SDK1: variants seen among roughly 807,000 people sequenced by gnomAD.
SDK1 encodes the protein protein sidekick-1.
Under a neutral mutation model 245.5 loss-of-function variants are expected in SDK1, and 157 were observed. That is an observed-to-expected ratio of 0.64 (90% CI 0.56 to 0.73). The LOEUF (loss-of-function observed/expected upper bound fraction) is 0.73, where lower values mean the gene tolerates loss of function less well. Among genes scored for constraint, SDK1 ranks in the 30% least tolerant of loss-of-function variants. SDK1 has a pLI of 0.00. For missense variants in SDK1, 3,583 were observed against 3,002.3 expected (o/e 1.19, Z -4.52); for synonymous variants, 1,647 against 1,278.5 (o/e 1.29, Z -6.15).
Position 3,985,733 on chromosome 7 carries a change from A to G in SDK1, c.1995-1453A>G, listed in dbSNP as rs78257375. ...TGGGCTCGCATTTATTCTTTATCGC[A>G]CTAATGTACAATGTAGTTGCAGTCT... On this transcript the variant is annotated intron_variant, in intron 13 of 44. Coordinates refer to ENST00000404826, the MANE Select transcript of SDK1 (RefSeq NM_152744.4). 4.0e-3 allele frequency among the ~76,000 whole-genome samples: 606 copies of G among 152,346 alleles called. 4 individuals carry two copies. The highest frequency in any genetic ancestry group is 0.014 in the African/African-American group (577 of 41,568).
At chr7:3,424,447 G>A (rs890371904) in intron 1 of SDK1, among the ~76,000 whole-genome samples, 5 of 152,110 alleles carry the variant, frequency 3.3e-5, no homozygotes, top group Admixed American at 2.6e-4. Flanking sequence ...GCTGATTCAG[G>A]AAATCTTTTC....
intron 21 of SDK1, among the ~76,000 whole-genome samples, chr7:4,077,435 GA>G (rs369057168): frequency 6.6e-5 from 10 of 152,222 alleles, no homozygotes; most frequent in African/African-American, 2.2e-4. Flanking sequence ...CCAGTTCCCA[GA>G]ACATGCGTTG....
intron 33 of SDK1, among the ~76,000 whole-genome samples, chr7:4,175,123 TG>T (rs1198988962): frequency 2.0e-5 from 3 of 152,184 alleles, no homozygotes; most frequent in Non-Finnish European, 4.4e-5. Context: ...ACGCACCCAG[TG>T]CGCGGACGGC....
Position 4,077,112 on chromosome 7 carries a change from C to G in SDK1, c.3125C>G (p.Thr1042Ser). 1.2e-6 allele frequency: 2 copies of G among 1,614,234 alleles called. No individual in the cohort carries two copies. Among genetic ancestry groups the G allele is most frequent in the Non-Finnish European group, 1.7e-6 (2 of 1,180,046 alleles). Residue 1042 changes from threonine to serine, a missense_variant, in exon 21 of 45, where the codon ACC becomes AGC. Thr to Ser is a moderately conservative substitution (Grantham distance 58, BLOSUM62 1). Transcript: ENST00000404826. ...IQGLSSLTTY[T>S]IDVAAVTAVG... ...GGCCTCTCATCTCTCACCACCTACA[C>G]CATCGACGTGGCCGCTGTGACTGCC...
chr7:3,956,922 G>C (rs569375243), intron 7 of SDK1, among the ~76,000 whole-genome samples: 1 of 152,140 alleles, frequency 6.6e-6, no homozygotes, highest in Non-Finnish European at 1.5e-5. Context: ...GGGAAGCCTC[G>C]GGGGACTGTA....
intron 1 of SDK1, among the ~76,000 whole-genome samples, chr7:3,380,676 GA>G (rs1433594109): frequency 1.3e-5 from 2 of 152,282 alleles, no homozygotes; most frequent in Admixed American, 1.3e-4. Flanking sequence ...TGTCATTAAG[GA>G]GACTGACTCT....
chr7:4,068,255 G>A (rs1052186024), intron 20 of SDK1, among the ~76,000 whole-genome samples: 4 of 152,204 alleles, frequency 2.6e-5, no homozygotes, highest in Admixed American at 6.5e-5. Context: ...GTTCACATGC[G>A]TGTGTCTTGC....
chr7:3,878,515 T>G (rs1781126849), intron 5 of SDK1, among the ~76,000 whole-genome samples: 1 of 152,086 alleles, frequency 6.6e-6, no homozygotes, highest in African/African-American at 2.4e-5. Context: ...AGACTCTGTC[T>G]CAAAAAAATA....
chr7:4,145,045 C>T (rs1026849672), intron 28 of SDK1, among the ~76,000 whole-genome samples: 22 of 152,154 alleles, frequency 1.4e-4, no homozygotes, highest in African/African-American at 4.3e-4. Context: ...TAATAAGGAA[C>T]GTCTGGTCAA....
chr7:3,543,518 G>A lies in SDK1; in HGVS notation c.299-75562G>A, dbSNP rs192002969. Among the ~76,000 whole-genome samples the A allele has an allele frequency of 4.4e-3, 676 of 152,318 alleles. 4 individuals carry two copies. Among genetic ancestry groups the A allele is most frequent in the Middle Eastern group, 0.01 (3 of 294 alleles). On this transcript the variant is annotated intron_variant, in intron 1 of 44. Coordinates refer to ENST00000404826, the MANE Select transcript of SDK1 (RefSeq NM_152744.4). ...GCTCGTGGCTGGTAATATCCTTGCA[G>A]GGGCCACCTCTACTCGTAGGGAATA... is the stretch of plus-strand genomic sequence containing the variant.
At chr7:4,020,158 G>A (rs966267161) in intron 17 of SDK1, among the ~76,000 whole-genome samples, 3 of 152,102 alleles carry the variant, frequency 2.0e-5, no homozygotes, top group Non-Finnish European at 4.4e-5. Flanking sequence ...TTGTTCGAGG[G>A]ACATGCTTGA....
intron 5 of SDK1, among the ~76,000 whole-genome samples, chr7:3,931,454 A>C (rs769622694): frequency 6.6e-6 from 1 of 152,236 alleles, no homozygotes. Flanking sequence ...TGGGGCTTCT[A>C]TCCTAACCAA....
rs76240670 is a variant in SDK1, at chr7:3,594,378, C to G, written c.299-24702C>G. ...TTGATAGACATTTGGATTGTTTCTG[C>G]TTTTTGGCTATCATGAATAATGCTG... is the stretch of plus-strand genomic sequence containing the variant. On this transcript the variant is annotated intron_variant, in intron 1 of 44. Transcript: ENST00000404826. Among the ~76,000 whole-genome samples, 39 of 152,272 alleles carry G rather than the reference C, an allele frequency of 2.6e-4. 1 individual carries two copies. The highest frequency in any genetic ancestry group is 1.4e-3 in the East Asian group (7 of 5,182).
chr7:3,867,354 A>T lies in SDK1; in HGVS notation c.847+45771A>T, dbSNP rs995499048. ...TATTTTGGTGTGAAGGTATATAAAA[A>T]TGCAGCCCTTTTGATTAAGCCATTT... On this transcript the variant is annotated intron_variant, in intron 5 of 44. Transcript: ENST00000404826. 2.6e-5 allele frequency among the ~76,000 whole-genome samples: 4 copies of T among 152,236 alleles called. No homozygotes were observed. The South Asian group carries it at 6.2e-4, about 24-fold the overall frequency.
chr7:4,018,825 G>A (rs1786632421), intron 17 of SDK1, among the ~76,000 whole-genome samples: 1 of 152,174 alleles, frequency 6.6e-6, no homozygotes, highest in African/African-American at 2.4e-5. Context: ...ATTAGGGGCG[G>A]AATCTGTGCG....
chr7:3,608,119 G>A (rs546644561), intron 1 of SDK1, among the ~76,000 whole-genome samples: 6 of 152,298 alleles, frequency 3.9e-5, no homozygotes, highest in African/African-American at 1.4e-4. Context: ...TTACTCATCC[G>A]TGCCACACAC....
chr7:3,474,872 TG>T (rs1781304643), intron 1 of SDK1, among the ~76,000 whole-genome samples: 1 of 152,074 alleles, frequency 6.6e-6, no homozygotes, highest in African/African-American at 2.4e-5. Flanking sequence ...TTTTAATTTT[TG>T]TAGAGACAGG....
At chr7:3,440,566 C>T (rs1430355164) in intron 1 of SDK1, among the ~76,000 whole-genome samples, 1 of 152,070 alleles carries the variant, frequency 6.6e-6, no homozygotes, top group Non-Finnish European at 1.5e-5. Flanking sequence ...TCAAGTAACC[C>T]TTATTTTAAT....
chr7:4,138,117 C>G (rs987184677), intron 28 of SDK1, among the ~76,000 whole-genome samples: 4 of 152,102 alleles, frequency 2.6e-5, no homozygotes, highest in Non-Finnish European at 5.9e-5. Context: ...TCTTCCAGTG[C>G]CTAGGGAACC....
Sources: allele counts gnomAD v4.1 joint callset (sites outside exome capture counted in the v4.1 genomes callset), GRCh38; gene constraint gnomAD v4.1.1; transcripts MANE v1.5; gene names NCBI Gene and HGNC (gene_info 2026-07-23, HGNC 2026-07-21).